BEND5: variants seen among roughly 807,000 people sequenced by gnomAD.
BEND5 encodes BEN domain containing 5, also known as BEN domain-containing protein 5.
A neutral mutation model predicts 43.9 loss-of-function variants in BEND5; 22 were observed. The ratio of observed to expected loss-of-function variants is 0.50; its 90% confidence interval spans 0.36 to 0.72. The LOEUF is 0.72. Ranked by LOEUF, BEND5 falls within the 30% of genes least tolerant of loss-of-function variation. The probability of loss-of-function intolerance (pLI) is 0.00; values close to 1 mark genes in which losing one functional copy is unlikely to be tolerated. For synonymous variants in BEND5, 228 were observed against 225.9 expected (o/e 1.01, Z -0.08); for missense variants, 428 against 550.6 (o/e 0.78, Z 2.23).
chr1:48,750,824 C>T (rs1320811845), intron 3 of BEND5, among the ~76,000 whole-genome samples: 1 of 152,096 alleles, frequency 6.6e-6, no homozygotes, highest in African/African-American at 2.4e-5. Flanking sequence ...AGCTTCTTGT[C>T]CTGTATAGGA....
chr1:48,757,947 A>G (rs895097333), intron 3 of BEND5, among the ~76,000 whole-genome samples: 1 of 152,172 alleles, frequency 6.6e-6, no homozygotes, highest in African/African-American at 2.4e-5. Context: ...ACTGGGCTCT[A>G]TCTTTTACAG....
chr1:48,744,440 C>T (rs1324441461), intron 3 of BEND5, among the ~76,000 whole-genome samples: 6 of 152,154 alleles, frequency 3.9e-5, no homozygotes, highest in Admixed American at 6.5e-5. Flanking sequence ...CTTATATTTC[C>T]CCTAAAGCAC....
At chr1:48,770,907 T>C (rs888791776) in intron 1 of BEND5, among the ~76,000 whole-genome samples, 2 of 152,174 alleles carry the variant, frequency 1.3e-5, no homozygotes, top group Non-Finnish European at 2.9e-5. Context: ...CTGACTCATA[T>C]TTATCCACAA....
chr1:48,763,464 GT>G (rs926760456), intron 1 of BEND5, among the ~76,000 whole-genome samples: 1 of 152,020 alleles, frequency 6.6e-6, no homozygotes, highest in Non-Finnish European at 1.5e-5. Context: ...TTGCAATGGT[GT>G]TTTTTTGTGT....
At chr1:48,762,330 A>T (rs956470933) in intron 1 of BEND5, among the ~76,000 whole-genome samples, 1 of 152,242 alleles carries the variant, frequency 6.6e-6, no homozygotes, top group African/African-American at 2.4e-5. Context: ...TTTTCTGCAC[A>T]GATTTCAAAC....
In BEND5 at chr1:48,746,349, T is replaced by G. The variant is rs575623054; in HGVS notation, c.746-3578A>C. On this transcript the variant is annotated intron_variant, in intron 3 of 5. Coordinates refer to ENST00000371833, the MANE Select transcript of BEND5 (RefSeq NM_024603.4). ...CTGTGAAACAGAGGCCCTGCTGTTC[T>G]GCTTTTGCCCCTAGTGCTTAGCACA... Among the ~76,000 whole-genome samples the G allele has an allele frequency of 5.9e-5, 9 of 152,292 alleles. 1 individual carries two copies. The South Asian group carries it at 1.9e-3, about 32-fold the overall frequency.
chr1:48,758,819 T>C (rs2148655754), intron 3 of BEND5, 81 bp downstream of exon 3: 2 of 1,310,762 alleles, frequency 1.5e-6, no homozygotes. Context: ...GGTCTCCCTC[T>C]CCCCTTTCCC....
chr1:48,750,159 C>A lies in BEND5; in HGVS notation c.746-7388G>T, dbSNP rs114875838. 7.0e-3 allele frequency among the ~76,000 whole-genome samples: 1,062 copies of A among 152,288 alleles called. 13 individuals are homozygous for A. Among genetic ancestry groups the A allele is most frequent in the African/African-American group, 0.023 (966 of 41,564 alleles). On this transcript the variant is annotated intron_variant, in intron 3 of 5. Coordinates refer to ENST00000371833, the MANE Select transcript of BEND5 (RefSeq NM_024603.4). ...TATGGGATTCATCTTTGCTAAATGGCTGTTGATTGATTTGCCTGACTCAGA... is the reference window on the plus strand; with the variant it reads ...TATGGGATTCATCTTTGCTAAATGGATGTTGATTGATTTGCCTGACTCAGA...
intron 5 of BEND5, among the ~76,000 whole-genome samples, chr1:48,729,628 G>T (rs938263736): frequency 6.6e-6 from 1 of 151,922 alleles, no homozygotes; most frequent in Non-Finnish European, 1.5e-5. Flanking sequence ...AAGGGAGTAG[G>T]TATGGGGCAG....
chr1:48,762,612 TTTTGTGTGTGTGTGTGTGTG>T (rs199513362), intron 1 of BEND5, among the ~76,000 whole-genome samples: 16 of 127,984 alleles, frequency 1.3e-4, no homozygotes, highest in East Asian at 9.9e-4. Context: ...TCTTTAAGGG[TTTTGTGTGTGTGTGTGTGTG>T]TGTGTGTGTG....
chr1:48,728,011 C>G lies in BEND5; in HGVS notation c.1141G>C (p.Val381Leu), dbSNP rs143256443. The G allele has an allele frequency of 1.9e-6, 3 of 1,612,086 alleles. No homozygotes were observed. The South Asian group carries it at 3.3e-5, about 18-fold the overall frequency. The stretch of plus-strand genomic sequence containing the variant: ...CTCTGTGCAATTTCAGTTTCATCCA[C>G]AGTTTCTTGTGCTATTCTGTCATAC... ...CLYDRIAQET[V>L]DETEIAQRLS... Residue 381 changes from valine to leucine, a missense_variant, in exon 6 of 6, where the codon GTG becomes CTG. Val to Leu is a conservative substitution (Grantham distance 32). Coordinates refer to ENST00000371833, the MANE Select transcript of BEND5 (RefSeq NM_024603.4).
chr1:48,762,614 TTGTG>T (rs58396843), intron 1 of BEND5, among the ~76,000 whole-genome samples: 1,353 of 75,168 alleles, frequency 0.018, 16 homozygotes, highest in African/African-American at 0.036. Context: ...TTTAAGGGTT[TTGTG>T]TGTGTGTGTG....
At chr1:48,761,777 G>T (rs144485858) in intron 1 of BEND5, among the ~76,000 whole-genome samples, 11 of 152,272 alleles carry the variant, frequency 7.2e-5, no homozygotes, top group African/African-American at 2.6e-4. Context: ...CTAGAATCTT[G>T]AATTGGAACA....
chr1:48,744,979 T>A (rs1239225645), intron 3 of BEND5, among the ~76,000 whole-genome samples: 1 of 127,486 alleles, frequency 7.8e-6, no homozygotes, highest in Non-Finnish European at 1.8e-5. Context: ...GAGGCTTGAT[T>A]GTCATCACTC....
chr1:48,743,125 C>T (rs1032766670), intron 3 of BEND5, among the ~76,000 whole-genome samples: 3 of 152,118 alleles, frequency 2.0e-5, no homozygotes, highest in African/African-American at 7.2e-5. Flanking sequence ...CTGAAATATG[C>T]AAATCGTGTA....
At chr1:48,746,178 T>C (rs1039422296) in intron 3 of BEND5, among the ~76,000 whole-genome samples, 24 of 152,316 alleles carry the variant, frequency 1.6e-4, no homozygotes, top group Admixed American at 1.4e-3. Context: ...ACTATATATA[T>C]ATATTCGTAT....
intron 5 of BEND5, among the ~76,000 whole-genome samples, chr1:48,733,108 C>T (rs1217424751): frequency 5.9e-5 from 9 of 152,134 alleles, no homozygotes; most frequent in African/African-American, 2.2e-4. Flanking sequence ...GGGTGTAGCT[C>T]GTCTTTCCAG....
chr1:48,745,289 G>C (rs1192798143), intron 3 of BEND5, among the ~76,000 whole-genome samples: 1 of 152,194 alleles, frequency 6.6e-6, no homozygotes, highest in Non-Finnish European at 1.5e-5. Flanking sequence ...AAGCTGTTCT[G>C]AATGTCTGTA....
At chr1:48,750,835 G>A (rs1376088893) in intron 3 of BEND5, among the ~76,000 whole-genome samples, 1 of 152,154 alleles carries the variant, frequency 6.6e-6, no homozygotes, top group Non-Finnish European at 1.5e-5. Flanking sequence ...CTGTATAGGA[G>A]GCTAGACGAG....
Sources: gnomAD v4.1 joint callset for allele counts (sites outside exome capture counted in the v4.1 genomes callset) on GRCh38, gnomAD v4.1.1 for gene constraint, MANE v1.5 for transcripts, NCBI Gene and HGNC (gene_info 2026-07-23, HGNC 2026-07-21) for gene names.